The following DPP6 variants were observed in gnomAD, a reference collection of about 807,000 sequenced individuals.
DPP6 encodes dipeptidyl peptidase like 6, also known as A-type potassium channel modulatory protein DPP6.
A neutral mutation model predicts 122.6 loss-of-function variants in DPP6; 69 were observed. The ratio of observed to expected loss-of-function variants is 0.56; its 90% CI spans 0.46 to 0.69. The LOEUF is 0.69. Among genes scored for constraint, DPP6 ranks in the 30% least tolerant of loss-of-function variants. The pLI, the probability that DPP6 is intolerant of heterozygous loss-of-function variation, is 0.00. For synonymous variants in DPP6, 418 were observed against 433.1 expected, an observed-to-expected ratio of 0.97 and a Z score of 0.43; for missense variants, 928 against 1,116.9, an observed-to-expected ratio of 0.83 and a Z score of 2.41.
chr7:153,990,058 A>G (rs1046017858), intron 1 of DPP6, among the ~76,000 whole-genome samples: 1 of 116,264 alleles, frequency 8.6e-6, no homozygotes, highest in Non-Finnish European at 1.8e-5. Context: ...GTCCCCCAGC[A>G]AGCCCCGCCC....
At chr7:154,595,953 C>T (rs572569204) in intron 5 of DPP6, among the ~76,000 whole-genome samples, 1 of 152,250 alleles carries the variant, frequency 6.6e-6, no homozygotes, top group Non-Finnish European at 1.5e-5. Flanking sequence ...CCCAGCTACT[C>T]AGGAGGCTGA....
At chr7:154,809,496 G>T (rs1424564576) in intron 16 of DPP6, among the ~76,000 whole-genome samples, 1 of 152,176 alleles carries the variant, frequency 6.6e-6, no homozygotes, top group African/African-American at 2.4e-5. Context: ...AATTCTGGAG[G>T]TATCTGGGTC....
chr7:154,659,743 A>T (rs1163585768), intron 6 of DPP6, among the ~76,000 whole-genome samples: 1 of 152,218 alleles, frequency 6.6e-6, no homozygotes, highest in Non-Finnish European at 1.5e-5. Flanking sequence ...TTTTGAAGAC[A>T]GATTGCCACG....
At position 154,821,653 on chromosome 7, in the gene DPP6, T is replaced by TATATATACACATATATATATACAC. The variant is rs1554477670; in HGVS notation, c.1666+14548_1666+14549insCACATATATATATACACATATATA. On this transcript the variant is annotated intron_variant, in intron 16 of 25. Coordinates refer to ENST00000377770, the MANE Select transcript of DPP6 (RefSeq NM_130797.4). The surrounding 1 kb of genome is among the most constrained non-coding windows in gnomAD (Gnocchi z 4.2). ...GTATATATATATATATATACACATA[T>TATATATACACATATATATATACAC]ATATATATATACACATATATATATA... 7.4e-3 allele frequency among the ~76,000 whole-genome samples: 795 copies of TATATATACACATATATATATACAC among 107,056 alleles called. 24 individuals carry two copies. Among genetic ancestry groups the TATATATACACATATATATATACAC allele is most frequent in the East Asian group, 0.062 (265 of 4,290 alleles). The allele number at this position is 107,056 out of a possible 152,430, so 70.2% of individuals were successfully genotyped here.
At chr7:154,695,860 G>T (rs1310162620) in intron 7 of DPP6, among the ~76,000 whole-genome samples, 1 of 152,202 alleles carries the variant, frequency 6.6e-6, no homozygotes, top group African/African-American at 2.4e-5. Flanking sequence ...GGGCACTGGG[G>T]CAACCTGGGC....
chr7:154,580,809 A>G (rs1187104349), intron 5 of DPP6, among the ~76,000 whole-genome samples: 1 of 152,186 alleles, frequency 6.6e-6, no homozygotes, highest in African/African-American at 2.4e-5. Flanking sequence ...AGAGGCCGCC[A>G]TGGGAAACAC....
chr7:153,930,651 G>T (rs1399486825), intron 1 of DPP6, among the ~76,000 whole-genome samples: 1 of 152,114 alleles, frequency 6.6e-6, no homozygotes, highest in Admixed American at 6.6e-5. Flanking sequence ...CTTACCGAAA[G>T]ACTTTTTAAA....
chr7:154,336,320 C>T (rs1206813286), intron 1 of DPP6, among the ~76,000 whole-genome samples: 1 of 152,316 alleles, frequency 6.6e-6, no homozygotes, highest in East Asian at 1.9e-4. Flanking sequence ...CTCAGATACA[C>T]AGTGGTGGTG....
rs1407782880 is a variant in DPP6, at chr7:154,060,216, T to TC, written c.243+7159dup. On this transcript the variant is annotated intron_variant, in intron 1 of 25. Coordinates refer to ENST00000377770, the MANE Select transcript of DPP6 (RefSeq NM_130797.4). Reference sequence around the variant, plus strand: ...ACGGGGACTGAGAGCGAGCCCCTCTTCCCCCCTTTGCTCTTAGGATCCCCA... The same window carrying TC: ...ACGGGGACTGAGAGCGAGCCCCTCTTCCCCCCCTTTGCTCTTAGGATCCCCA... 2.3e-5 allele frequency among the ~76,000 whole-genome samples: 3 copies of TC among 132,760 alleles called. No homozygotes were observed. The East Asian group carries it at 6.7e-4, about 30-fold the overall frequency. The allele number at this position is 132,760 out of a possible 152,430, so 87.1% of individuals were successfully genotyped here.
chr7:154,603,269 G>T (rs1833474125), intron 5 of DPP6, among the ~76,000 whole-genome samples: 1 of 119,570 alleles, frequency 8.4e-6, no homozygotes, highest in Non-Finnish European at 1.9e-5. Context: ...TCTGTTTTTG[G>T]TAGTCTTCCA....
At chr7:153,839,660 C>T in the DPP6 span, among the ~76,000 whole-genome samples, 1 of 152,194 alleles carries the variant, frequency 6.6e-6, no homozygotes, top group East Asian at 1.9e-4. Flanking sequence ...TCACAGTAGA[C>T]ATCAATAGAC....
chr7:153,923,558 G>A (rs897834209), intron 1 of DPP6, among the ~76,000 whole-genome samples: 3 of 151,936 alleles, frequency 2.0e-5, no homozygotes, highest in East Asian at 3.9e-4. Flanking sequence ...TCAGGAGATC[G>A]AGACCATCCT....
intron 1 of DPP6, among the ~76,000 whole-genome samples, chr7:153,912,616 G>C (rs2129003690): frequency 6.6e-6 from 1 of 152,234 alleles, no homozygotes; most frequent in Middle Eastern, 3.4e-3. Context: ...AGAATAATAG[G>C]GTGAACTTGA....
At chr7:154,795,712 A>G (rs1032775280) in intron 11 of DPP6, 133 bp from the exon 12 acceptor site, 2 of 1,307,534 alleles carry the variant, frequency 1.5e-6, no homozygotes, top group East Asian at 5.1e-5. Context: ...GCAGCTGTGC[A>G]ATGCTTGTGC....
At chr7:154,160,141 T>C (rs560793602) in intron 1 of DPP6, among the ~76,000 whole-genome samples, 17 of 151,202 alleles carry the variant, frequency 1.1e-4, no homozygotes, top group Non-Finnish European at 2.1e-4. Flanking sequence ...ATAAAATACA[T>C]CAGACATAGA....
chr7:154,631,753 G>C (rs184538869), intron 5 of DPP6, among the ~76,000 whole-genome samples: 1 of 152,090 alleles, frequency 6.6e-6, no homozygotes, highest in East Asian at 1.9e-4. Context: ...TGTTTTCAAT[G>C]AGGGAGATTT....
At chr7:154,080,751 T>C (rs1803935036) in intron 1 of DPP6, among the ~76,000 whole-genome samples, 1 of 151,122 alleles carries the variant, frequency 6.6e-6, no homozygotes, top group Non-Finnish European at 1.5e-5. Context: ...ATACCTGTGA[T>C]TGAAACATGC....
At chr7:154,239,244 G>A (rs1801413531) in intron 1 of DPP6, among the ~76,000 whole-genome samples, 1 of 152,174 alleles carries the variant, frequency 6.6e-6, no homozygotes, top group African/African-American at 2.4e-5. Context: ...CAAGAAAAAT[G>A]GCAAAACAAC....
chr7:154,375,424 G>C (rs970048591), intron 1 of DPP6, among the ~76,000 whole-genome samples: 13 of 152,200 alleles, frequency 8.5e-5, no homozygotes, highest in Non-Finnish European at 1.6e-4. Context: ...TATTCACTAC[G>C]GTTTTAGTAT....
Sources: allele counts gnomAD v4.1 joint callset (sites outside exome capture counted in the v4.1 genomes callset), GRCh38; gene constraint gnomAD v4.1.1; non-coding constraint Gnocchi (gnomAD v3.1); transcripts MANE v1.5; gene names NCBI Gene and HGNC (gene_info 2026-07-23, HGNC 2026-07-21).